Variants in MAP3K10 observed in about 807,000 individuals in gnomAD.
MAP3K10 encodes MKN28 derived nonreceptor_type serine/threonine kinase.
MAP3K10 carries 22 observed loss-of-function variants against 75.0 expected under a neutral mutation model. That is an observed-to-expected ratio of 0.29 (90% CI 0.21 to 0.42). MAP3K10 has a LOEUF of 0.42. Ranked by LOEUF, MAP3K10 falls within the 10% of genes least tolerant of loss-of-function variation. The pLI is 1.00. For synonymous variants in MAP3K10, 599 were observed against 612.9 expected (o/e 0.98, Z 0.34); for missense variants, 1,165 against 1,379.8 (o/e 0.84, Z 2.47).
In MAP3K10 at chr19:40,198,343, T is replaced by C. The variant is rs1469577063; in HGVS notation, c.683-32T>C. The stretch of plus-strand genomic sequence containing the variant: ...ACTTGGGTCTGCGGCGTGGCAGGTC[T>C]GGGGTGACCCACCTTTCTTCCCACC... On this transcript the variant is annotated intron_variant, in intron 1 of 9. Coordinates refer to ENST00000253055, the MANE Select transcript of MAP3K10 (RefSeq NM_002446.4). This position sits in a 1 kb window ranked among gnomAD's most constrained non-coding sequence, Gnocchi z 4.3. The C allele has an allele frequency of 8.8e-6, 14 of 1,591,430 alleles. No homozygotes were observed. The Admixed American group carries it at 2.2e-4, about 25-fold the overall frequency.
At chr19:40,210,300 T>C (rs1156461667) in intron 6 of MAP3K10, among the ~76,000 whole-genome samples, 1 of 150,792 alleles carries the variant, frequency 6.6e-6, no homozygotes, top group African/African-American at 2.5e-5. Flanking sequence ...AAGAAATAGA[T>C]GTATTATGAG....
chr19:40,208,363 T>TTTTTTTTTTTTTTTTTTTTA (rs1555756664), intron 5 of MAP3K10, among the ~76,000 whole-genome samples: 122 of 111,862 alleles, frequency 1.1e-3, no homozygotes, highest in African/African-American at 1.6e-3. Flanking sequence ...TTTTTTTTTT[T>TTTTTTTTTTTTTTTTTTTTA]TTTTTTGTAT....
chr19:40,210,253 C>A (rs1236857534), intron 6 of MAP3K10, among the ~76,000 whole-genome samples: 3 of 150,808 alleles, frequency 2.0e-5, no homozygotes, highest in African/African-American at 7.3e-5. Flanking sequence ...GGCGAAAGAG[C>A]GAGACTCCGT....
intron 1 of MAP3K10, among the ~76,000 whole-genome samples, chr19:40,195,469 G>GC: frequency 1.6e-5 from 1 of 63,538 alleles, no homozygotes; most frequent in Admixed American, 2.3e-4. Flanking sequence ...AGCCCGCCCG[G>GC]CCTTTTTTTT....
intron 6 of MAP3K10, 82 bp downstream of exon 6, chr19:40,209,301 G>C (rs1390625330): frequency 9.5e-6 from 10 of 1,050,992 alleles, no homozygotes; most frequent in Non-Finnish European, 1.4e-5. Flanking sequence ...CTGGCACCAA[G>C]CCAGAGTAAC....
chr19:40,197,129 G>A (rs1346277436), intron 1 of MAP3K10, among the ~76,000 whole-genome samples: 1 of 152,176 alleles, frequency 6.6e-6, no homozygotes, highest in Non-Finnish European at 1.5e-5. Context: ...CTCAGCTGGA[G>A]AGGCTTTGCT....
intron 1 of MAP3K10, among the ~76,000 whole-genome samples, chr19:40,196,858 G>T (rs1972916806): frequency 6.6e-6 from 1 of 152,114 alleles, no homozygotes; most frequent in Non-Finnish European, 1.5e-5. Context: ...GGCTCGGGGT[G>T]GGGGTCATTC....
In MAP3K10 at chr19:40,205,265, A is replaced by G. The variant is rs1193633859; in HGVS notation, c.1157A>G (p.His386Arg). The change falls in exon 4 of 10, where the codon CAC (histidine) becomes CGC (arginine). Residue 386 changes from histidine to arginine, a missense_variant. Around this residue, in one of 2 missense-constraint regions of MAP3K10, gnomAD observed 575 missense variants for 793.2 expected, o/e 0.72. Coordinates refer to ENST00000253055, the MANE Select transcript of MAP3K10 (RefSeq NM_002446.4). The surrounding 1 kb of genome is among the most constrained non-coding windows in gnomAD (Gnocchi z 4.3). ...GAAGACTGGAAGCTGGAGATTCAGC[A>G]CATGTTTGATGACCTTCGGACCAAG... ...LQEDWKLEIQ[H>R]MFDDLRTKEK... 6.2e-7 allele frequency: 1 copy of G among 1,614,100 alleles called. No individual in the cohort carries two copies.
chr19:40,214,284 G>A lies in MAP3K10; in HGVS notation c.2542+63G>A, dbSNP rs1305382380. 6.6e-6 allele frequency: 9 copies of A among 1,358,852 alleles called. No homozygotes were observed. In the South Asian group the frequency reaches 6.8e-5, roughly 10 times the overall value. The allele number at this position is 1,358,852 out of a possible 1,614,324, so 84.2% of individuals were successfully genotyped here. ...CCTTCTTTCCTCCTCTGCCAGGGTC[G>A]CAAGTCCAGCCCAGCCACGACCCCT... On this transcript the variant is annotated intron_variant, in intron 9 of 9. Coordinates refer to ENST00000253055, the MANE Select transcript of MAP3K10 (RefSeq NM_002446.4).
intron 6 of MAP3K10, among the ~76,000 whole-genome samples, chr19:40,211,549 C>T (rs1973241440): frequency 6.6e-6 from 1 of 150,652 alleles, no homozygotes; most frequent in Admixed American, 6.6e-5. Flanking sequence ...CCCAACAGGC[C>T]CCAGTGTCCG....
Position 40,192,232 on chromosome 19 carries a change from C to A in MAP3K10, c.201C>A (p.Arg67=). The A allele has an allele frequency of 6.2e-7, 1 of 1,604,862 alleles. No individual in the cohort carries two copies. Among genetic ancestry groups the A allele is most frequent in the East Asian group, 2.2e-5 (1 of 44,682 alleles). The change falls in exon 1 of 10, where the codon CGC becomes CGA. Residue 67 remains arginine, a synonymous_variant. Coordinates refer to ENST00000253055, the MANE Select transcript of MAP3K10 (RefSeq NM_002446.4). This position sits in a 1 kb window ranked among gnomAD's most constrained non-coding sequence, Gnocchi z 7.1. ...GGACCGGGCAGCTCCCCAGCGGCCG[C>A]GTGGGCGTCTTCCCCAGCAACTACG... ...GWWTGQLPSG[R]VGVFPSNYVA...
intron 5 of MAP3K10, among the ~76,000 whole-genome samples, chr19:40,208,198 G>T (rs1244086070): frequency 1.3e-5 from 2 of 151,634 alleles, no homozygotes; most frequent in African/African-American, 4.8e-5. Flanking sequence ...TTGAGATGGA[G>T]CCTCGCTCTG....
Position 40,198,672 on chromosome 19 carries a change from C to A in MAP3K10, c.863+117C>A. 1.8e-6 allele frequency: 2 copies of A among 1,118,888 alleles called. No homozygotes were observed. The highest frequency in any genetic ancestry group is 2.5e-6 in the Non-Finnish European group (2 of 799,258). 69.3% of individuals were successfully genotyped at this position (1,118,888 alleles called of 1,614,324 possible). On this transcript the variant is annotated intron_variant, in intron 2 of 9. Coordinates refer to ENST00000253055, the MANE Select transcript of MAP3K10 (RefSeq NM_002446.4). The surrounding 1 kb of genome is among the most constrained non-coding windows in gnomAD (Gnocchi z 4.3). ...CCAGGATCTCAGTCTGACAAAGGGA[C>A]CTGCTGGCAAGGTCAGGCCACCAGA...
At chr19:40,211,124 CAG>C (rs1973229941) in intron 6 of MAP3K10, among the ~76,000 whole-genome samples, 1 of 152,146 alleles carries the variant, frequency 6.6e-6, no homozygotes, top group Non-Finnish European at 1.5e-5. Flanking sequence ...GCTGAGACCT[CAG>C]GGAAGCATGC....
Position 40,214,083 on chromosome 19 carries a change from T to C in MAP3K10, c.2404T>C (p.Phe802Leu). The C allele has an allele frequency of 6.7e-7, 1 of 1,496,750 alleles. No homozygotes were observed. Among genetic ancestry groups the C allele is most frequent in the Non-Finnish European group, 8.9e-7 (1 of 1,123,804 alleles). The allele number at this position is 1,496,750 out of a possible 1,614,324, so 92.7% of individuals were successfully genotyped here. A position where few individuals can be genotyped will look rare whatever the true frequency, so the allele number is the denominator to read the frequency against. ...CCTGGTGGACCTGGAGCTGGAGAGC[T>C]TCAAGAAGGACCCCCGCCAGTCGCT... ...NPLVDLELES[F>L]KKDPRQSLTP... The change falls in exon 9 of 10, where the codon TTC becomes CTC. Residue 802 changes from phenylalanine to leucine, a missense_variant. Phe to Leu is a conservative substitution (Grantham distance 22, BLOSUM62 0). This residue lies in a region of MAP3K10 where 590 missense variants were observed against 586.6 expected (regional missense o/e 1.01). Coordinates refer to ENST00000253055, the MANE Select transcript of MAP3K10 (RefSeq NM_002446.4).
At position 40,215,281 on chromosome 19, in the gene MAP3K10, G is replaced by T; in HGVS notation, c.2854G>T (p.Gly952Cys). 1.3e-6 allele frequency: 2 copies of T among 1,545,918 alleles called. No individual in the cohort carries two copies. Residue 952 changes from glycine to cysteine, a missense_variant, in exon 10 of 10, where the codon GGC (glycine) becomes TGC (cysteine). This residue lies in a region of MAP3K10 where 590 missense variants were observed against 586.6 expected (regional missense o/e 1.01). Coordinates refer to ENST00000253055, the MANE Select transcript of MAP3K10 (RefSeq NM_002446.4). Reference protein sequence around the residue: ...DSTVPLCGAHGSH With the variant: ...DSTVPLCGAHCSH ...CACAGTGCCCCTGTGCGGGGCCCAC[G>T]GCTCCCACTAAGGCCTGCCCACCAC...
intron 2 of MAP3K10, among the ~76,000 whole-genome samples, chr19:40,201,178 T>G (rs1229646741): frequency 1.3e-5 from 2 of 150,230 alleles, no homozygotes; most frequent in African/African-American, 4.9e-5. Context: ...TTTTTTGTTT[T>G]TTTTTTTTTT....
chr19:40,204,534 G>C lies in MAP3K10; in HGVS notation c.913G>C (p.Glu305Gln), dbSNP rs1973079955. ...GCTGACGGGGGAGGTCCCCTACCGT[G>C]AGATCGACGCCTTGGCCGTGGCGTA... ...ELLTGEVPYR[E>Q]IDALAVAYGV... Residue 305 changes from glutamate (E) to glutamine (Q), a missense_variant, in exon 3 of 10, where the codon GAG becomes CAG. Coordinates refer to ENST00000253055, the MANE Select transcript of MAP3K10 (RefSeq NM_002446.4). The surrounding 1 kb of genome is among the most constrained non-coding windows in gnomAD (Gnocchi z 4.3). The C allele has an allele frequency of 1.9e-6, 3 of 1,613,998 alleles. No individual in the cohort carries two copies. Among genetic ancestry groups the C allele is most frequent in the Non-Finnish European group, 2.5e-6 (3 of 1,179,964 alleles).
At position 40,213,630 on chromosome 19, in the gene MAP3K10, C is replaced by A. The variant is rs200389834; in HGVS notation, c.1951C>A (p.Pro651Thr). The A allele has an allele frequency of 4.0e-3, 6,023 of 1,502,436 alleles. 13 individuals carry two copies. The highest frequency in any genetic ancestry group is 4.7e-3 in the Non-Finnish European group (5,310 of 1,129,124). The allele number at this position is 1,502,436 out of a possible 1,614,324, so 93.1% of individuals were successfully genotyped here. Reference protein sequence around the residue: ...PAEPSPGARAPWEPTPSAPPA... With the variant: ...PAEPSPGARATWEPTPSAPPA... ...CGAGCCCTCCCCGGGGGCGCGGGCG[C>A]CGTGGGAGCCGACGCCGTCCGCGCC... Residue 651 changes from proline (P) to threonine (T), a missense_variant, in exon 9 of 10, where the codon CCG (proline) becomes ACG (threonine). This residue lies in a region of MAP3K10 where 590 missense variants were observed against 586.6 expected (regional missense o/e 1.01). Transcript: ENST00000253055. This position sits in a 1 kb window ranked among gnomAD's most constrained non-coding sequence, Gnocchi z 5.7.
Sources: allele counts gnomAD v4.1 joint callset (sites outside exome capture counted in the v4.1 genomes callset), GRCh38; gene constraint gnomAD v4.1.1; regional missense constraint gnomAD v4.1.1; non-coding constraint Gnocchi (gnomAD v3.1); transcripts MANE v1.5; gene names NCBI Gene and HGNC (gene_info 2026-07-23, HGNC 2026-07-21).